NRXN3: variants seen among roughly 807,000 people sequenced by gnomAD.
NRXN3 encodes neurexin III.
NRXN3 carries 32 observed loss-of-function variants against 137.6 expected under a neutral mutation model. The ratio of observed to expected loss-of-function variants is 0.23; its 90% CI spans 0.18 to 0.31. NRXN3 has a LOEUF of 0.31. NRXN3 is among the 10% of genes least tolerant of loss of function. The pLI is 1.00. For missense variants in NRXN3, 1,574 were observed against 2,062.5 expected (o/e 0.76, Z 4.59); for synonymous variants, 798 against 784.5 (o/e 1.02, Z -0.29).
intron 3 of NRXN3, among the ~76,000 whole-genome samples, chr14:78,296,029 TTTC>T (rs1014350779): frequency 2.6e-5 from 4 of 151,796 alleles, no homozygotes; most frequent in Non-Finnish European, 4.4e-5. Flanking sequence ...TCCTTATTCT[TTTC>T]TTTTCTTTTT....
chr14:78,988,938 G>T (rs1027299020), intron 15 of NRXN3, among the ~76,000 whole-genome samples: 2 of 152,118 alleles, frequency 1.3e-5, no homozygotes, highest in African/African-American at 4.8e-5. Context: ...ACTTCATGAA[G>T]GTGCTTCTAG....
At position 79,340,794 on chromosome 14, in the gene NRXN3, C is replaced by T. The variant is rs146274876; in HGVS notation, c.3263-126427C>T. Among the ~76,000 whole-genome samples the T allele has an allele frequency of 1.2e-4, 18 of 152,198 alleles. 1 individual carries two copies. The East Asian group carries it at 3.3e-3, about 28-fold the overall frequency. ...TTGTTTAATTTTTTAAAGTACAGCC[C>T]TTAGTGATAATTTTTCCTTTTCTGT... On this transcript the variant is annotated intron_variant, in intron 15 of 20. Coordinates refer to ENST00000335750, the MANE Select transcript of NRXN3 (RefSeq NM_001330195.2).
At chr14:78,860,102 A>G (rs1052273625) in intron 10 of NRXN3, among the ~76,000 whole-genome samples, 1 of 152,150 alleles carries the variant, frequency 6.6e-6, no homozygotes, top group Non-Finnish European at 1.5e-5. Flanking sequence ...TGAGATGAAA[A>G]TTTCAGGGCC....
chr14:79,242,098 C>T (rs112237806), intron 15 of NRXN3, among the ~76,000 whole-genome samples: 1 of 151,888 alleles, frequency 6.6e-6, no homozygotes, highest in African/African-American at 2.4e-5. Flanking sequence ...TCAAAACAAC[C>T]CTATCAGGTA....
rs569633227 is a variant in NRXN3, at chr14:78,938,160, A to G, written c.2276-19082A>G. Among the ~76,000 whole-genome samples, 62 of 152,350 alleles carry G rather than the reference A, an allele frequency of 4.1e-4. No individual in the cohort carries two copies. In the South Asian group the frequency reaches 0.013, roughly 31 times the overall value. Reference sequence around the variant, plus strand: ...TGTGTTAGTTCATTTATTCGTCACCATATCCCCTTGATTAAAGTGATGATG... The same window carrying G: ...TGTGTTAGTTCATTTATTCGTCACCGTATCCCCTTGATTAAAGTGATGATG... On this transcript the variant is annotated intron_variant, in intron 10 of 20. Transcript: ENST00000335750.
intron 16 of NRXN3, among the ~76,000 whole-genome samples, chr14:79,486,913 TTCTCTCTCTCTCTC>T (rs58861355): frequency 0.28 from 35,481 of 128,460 alleles, 5,186 homozygotes; most frequent in Non-Finnish European, 0.3. Context: ...TCTTTACAGG[TTCTCTCTCTCTCTC>T]TCTCTCTCTC....
At chr14:79,528,207 T>G (rs1042909535) in intron 16 of NRXN3, among the ~76,000 whole-genome samples, 2 of 152,194 alleles carry the variant, frequency 1.3e-5, no homozygotes, top group African/African-American at 2.4e-5. Context: ...AGAAGATAAG[T>G]GCCCAATAAT....
At chr14:78,220,294 A>T (rs2063712983) in intron 1 of NRXN3, among the ~76,000 whole-genome samples, 1 of 152,034 alleles carries the variant, frequency 6.6e-6, no homozygotes, top group African/African-American at 2.4e-5. Context: ...TGACATCTGA[A>T]GGGTGGTGGG....
At chr14:79,675,422 C>A (rs995239647) in intron 17 of NRXN3, among the ~76,000 whole-genome samples, 1 of 152,036 alleles carries the variant, frequency 6.6e-6, no homozygotes, top group African/African-American at 2.4e-5. Flanking sequence ...ACTTGCTTTA[C>A]AAAAACAAGC....
chr14:79,105,064 G>A (rs905437167), intron 15 of NRXN3, among the ~76,000 whole-genome samples: 1 of 152,006 alleles, frequency 6.6e-6, no homozygotes, highest in Non-Finnish European at 1.5e-5. Flanking sequence ...AAGTAATATG[G>A]TTTTCTTGTG....
Position 78,771,476 on chromosome 14 carries a change from A to G in NRXN3, c.2045-32144A>G, listed in dbSNP as rs79452119. ...GAATGAGTATTAACTGCTGAGATGTATATTTCTGATGGCCTCTTCAAGGTG... is the reference window on the plus strand; with the variant it reads ...GAATGAGTATTAACTGCTGAGATGTGTATTTCTGATGGCCTCTTCAAGGTG... On this transcript the variant is annotated intron_variant, in intron 8 of 20. Transcript: ENST00000335750. Among the ~76,000 whole-genome samples the G allele has an allele frequency of 1.6e-3, 242 of 152,362 alleles. 3 individuals carry two copies. The East Asian group carries it at 0.018, about 11-fold the overall frequency.
intron 1 of NRXN3, among the ~76,000 whole-genome samples, chr14:78,185,924 T>G (rs1385880967): frequency 6.6e-6 from 1 of 152,170 alleles, no homozygotes; most frequent in Non-Finnish European, 1.5e-5. Context: ...AACACAAGCA[T>G]TTGGACTTTA....
At chr14:79,127,114 A>G (rs1308635650) in intron 15 of NRXN3, among the ~76,000 whole-genome samples, 29 of 151,792 alleles carry the variant, frequency 1.9e-4, no homozygotes, top group South Asian at 6.3e-4. Context: ...ATTTTCTCCC[A>G]TTTTGTGGGT....
At chr14:79,376,204 G>GTGTA (rs2094279513) in intron 15 of NRXN3, among the ~76,000 whole-genome samples, 6 of 104,490 alleles carry the variant, frequency 5.7e-5, no homozygotes, top group South Asian at 3.2e-4. Context: ...GGGTGTGTGT[G>GTGTA]TGTGTGTATG....
intron 15 of NRXN3, among the ~76,000 whole-genome samples, chr14:79,353,125 A>G (rs957115039): frequency 1.3e-5 from 2 of 152,114 alleles, no homozygotes; most frequent in African/African-American, 4.8e-5. Flanking sequence ...TTGGAATCAA[A>G]TATTTCAATA....
chr14:79,252,690 G>C (rs1171411034), intron 15 of NRXN3, among the ~76,000 whole-genome samples: 1 of 152,162 alleles, frequency 6.6e-6, no homozygotes, highest in East Asian at 1.9e-4. Context: ...GTATTACATT[G>C]AAAGCAGCGA....
intron 1 of NRXN3, among the ~76,000 whole-genome samples, chr14:78,211,088 G>C (rs1302825445): frequency 6.6e-6 from 1 of 152,186 alleles, no homozygotes; most frequent in East Asian, 1.9e-4. Context: ...GCTTAGAGTG[G>C]TGCCTGGCAC....
At chr14:79,387,985 G>C (rs2094696596) in intron 15 of NRXN3, among the ~76,000 whole-genome samples, 1 of 150,400 alleles carries the variant, frequency 6.6e-6, no homozygotes, top group South Asian at 2.1e-4. Flanking sequence ...GATAGCATTA[G>C]GAGATATAGC....
intron 15 of NRXN3, among the ~76,000 whole-genome samples, chr14:79,360,234 T>C (rs1461602682): frequency 1.3e-5 from 2 of 152,216 alleles, no homozygotes. Flanking sequence ...CCCTAGTTGA[T>C]GAAATTAACA....
Sources: allele counts gnomAD v4.1 joint callset (sites outside exome capture counted in the v4.1 genomes callset), GRCh38; gene constraint gnomAD v4.1.1; transcripts MANE v1.5; gene names NCBI Gene and HGNC (gene_info 2026-07-23, HGNC 2026-07-21).